PLXNA4: variants seen among roughly 807,000 people sequenced by gnomAD.
The protein encoded by PLXNA4 is plexin-A4.
PLXNA4 carries 44 observed loss-of-function variants against 191.8 expected under a neutral mutation model. The observed-to-expected ratio is 0.23, with a 90% confidence interval of 0.18 to 0.29. The LOEUF is 0.29. Ranked by LOEUF, PLXNA4 falls within the 10% of genes least tolerant of loss-of-function variation. The pLI, the probability that PLXNA4 is intolerant of heterozygous loss-of-function variation, is 1.00. For missense variants in PLXNA4, 1,800 were observed against 2,488.8 expected (o/e 0.72, Z 5.89); for synonymous variants, 1,082 against 1,009.5 (o/e 1.07, Z -1.36).
At chr7:132,516,678 C>T (rs149985765) in intron 1 of PLXNA4, among the ~76,000 whole-genome samples, 8 of 152,306 alleles carry the variant, frequency 5.3e-5, no homozygotes, top group African/African-American at 1.9e-4. Flanking sequence ...AGTGTCCCTG[C>T]CAGGAGTGGT....
intron 4 of PLXNA4, among the ~76,000 whole-genome samples, chr7:132,250,709 A>T (rs79467740): frequency 6.6e-6 from 1 of 152,204 alleles, no homozygotes; most frequent in Non-Finnish European, 1.5e-5. Flanking sequence ...ATGGGGGATG[A>T]GAGGAGTGTT....
chr7:132,408,360 G>T (rs984412236), intron 3 of PLXNA4, among the ~76,000 whole-genome samples: 3 of 152,090 alleles, frequency 2.0e-5, no homozygotes, highest in African/African-American at 7.2e-5. Flanking sequence ...CATTCTGGGG[G>T]TGCAGTTTTT....
intron 2 of PLXNA4, among the ~76,000 whole-genome samples, chr7:132,635,505 A>G (rs1464507265): frequency 2.0e-5 from 3 of 152,166 alleles, no homozygotes; most frequent in Admixed American, 6.5e-5. Flanking sequence ...AATAACCAAG[A>G]GATAGAACAC....
intron 1 of PLXNA4, among the ~76,000 whole-genome samples, chr7:132,530,772 T>G (rs144078549): frequency 3.5e-4 from 54 of 152,364 alleles, no homozygotes; most frequent in African/African-American, 1.2e-3. Context: ...CAGACAGATA[T>G]TTGTACAACA....
At position 132,571,737 on chromosome 7, in the gene PLXNA4, C is replaced by T. The variant is rs114149172; in HGVS notation, c.-87+4685G>A. On this transcript the variant is annotated intron_variant, in intron 1 of 31. Coordinates refer to ENST00000321063, the MANE Select transcript of PLXNA4 (RefSeq NM_020911.2). ...ATGAAATGAGGAAGTGTTGTTTCCA[C>T]AATACTAGCAATTTGAAGCAGTCAC... 4.4e-3 allele frequency among the ~76,000 whole-genome samples: 673 copies of T among 152,284 alleles called. 2 individuals are homozygous for T. The highest frequency in any genetic ancestry group is 0.015 in the African/African-American group (631 of 41,540).
chr7:132,504,303 GTTC>G (rs1363664222), intron 2 of PLXNA4, among the ~76,000 whole-genome samples: 3 of 152,226 alleles, frequency 2.0e-5, no homozygotes, highest in Non-Finnish European at 2.9e-5. Flanking sequence ...TGTAGTAGGG[GTTC>G]TTCTTCCCAT....
In PLXNA4 at chr7:132,211,151, C is replaced by G; in HGVS notation, c.2098-8G>C. 3 of 1,553,536 alleles carry G rather than the reference C, an allele frequency of 1.9e-6. No individual in the cohort carries two copies. The highest frequency in any genetic ancestry group is 1.7e-4 in the Middle Eastern group (1 of 5,992). On this transcript the variant is annotated splice_polypyrimidine_tract_variant and splice_region_variant and intron_variant, in intron 9 of 31. Transcript: ENST00000321063. ...CAGCAGCTGGGGGCAGTCCTGGGGA[C>G]AGAGGGCATGGCTCAGGCTGGGCAG...
chr7:132,161,142 T>C (rs999734184), intron 24 of PLXNA4, among the ~76,000 whole-genome samples: 3 of 152,198 alleles, frequency 2.0e-5, no homozygotes, highest in Non-Finnish European at 2.9e-5. Context: ...TGTCCTGTCC[T>C]CTGGGCCCTG....
At chr7:132,518,142 T>C (rs757483396) in intron 1 of PLXNA4, among the ~76,000 whole-genome samples, 2 of 152,184 alleles carry the variant, frequency 1.3e-5, no homozygotes, top group Non-Finnish European at 2.9e-5. Flanking sequence ...ACTGACCCCA[T>C]GTACTTGGCC....
rs116018329 is a variant in PLXNA4 at position 132,527,246 on chromosome 7, G to A, written c.-86-18467C>T. Among the ~76,000 whole-genome samples, 1,315 of 152,182 alleles carry A rather than the reference G, an allele frequency of 8.6e-3. 24 individuals carry two copies. The highest frequency in any genetic ancestry group is 0.03 in the African/African-American group (1,227 of 41,510). ...CTGCAGGACCTCAGCACCTCCTCAA[G>A]TAGACGTTCTTCCTCCATTGCCAAG... On this transcript the variant is annotated intron_variant, in intron 1 of 31. Coordinates refer to ENST00000321063, the MANE Select transcript of PLXNA4 (RefSeq NM_020911.2).
chr7:132,606,757 C>A (rs1313432130), intron 2 of PLXNA4, among the ~76,000 whole-genome samples: 1 of 152,164 alleles, frequency 6.6e-6, no homozygotes, highest in Non-Finnish European at 1.5e-5. Context: ...GACTTTAAGC[C>A]TGAGAAAAAT....
chr7:132,473,363 G>A (rs1019814393), intron 3 of PLXNA4, among the ~76,000 whole-genome samples: 46 of 152,082 alleles, frequency 3.0e-4, no homozygotes, highest in African/African-American at 9.9e-4. Flanking sequence ...AGGCCTCAGC[G>A]GCTCCCCCAG....
chr7:132,286,325 T>A (rs1403723024), intron 4 of PLXNA4, among the ~76,000 whole-genome samples: 1 of 152,154 alleles, frequency 6.6e-6, no homozygotes. Flanking sequence ...GCCCTGTCTG[T>A]CCACCCTGTG....
At chr7:132,557,041 A>T (rs1800831757) in intron 1 of PLXNA4, among the ~76,000 whole-genome samples, 1 of 152,218 alleles carries the variant, frequency 6.6e-6, no homozygotes, top group South Asian at 2.1e-4. Context: ...TTTGTGTAAG[A>T]CACACATATA....
chr7:132,542,383 C>A (rs1201613734), intron 1 of PLXNA4, among the ~76,000 whole-genome samples: 6 of 152,116 alleles, frequency 3.9e-5, no homozygotes, highest in Admixed American at 3.9e-4. Context: ...TAGTATAGGC[C>A]AAGGTACAGA....
chr7:132,410,103 C>T (rs551891370), intron 3 of PLXNA4, among the ~76,000 whole-genome samples: 30 of 152,340 alleles, frequency 2.0e-4, no homozygotes, highest in Middle Eastern at 3.4e-3. Context: ...TGGATCCTCA[C>T]ACTCTCCCTC....
intron 29 of PLXNA4, among the ~76,000 whole-genome samples, chr7:132,144,230 G>C (rs1168949153): frequency 1.3e-5 from 2 of 152,174 alleles, no homozygotes; most frequent in Admixed American, 6.5e-5. Flanking sequence ...CTTTGCCTCA[G>C]GTAGAGCTCT....
chr7:132,496,177 A>G lies in PLXNA4; in HGVS notation c.1189-6703T>C, dbSNP rs184039861. ...GAGGCGAGGTCTGGGCTCACGTCCAAGTTCTCTGGCTTATGAAACAGTATT... is the reference window on the plus strand; with the variant it reads ...GAGGCGAGGTCTGGGCTCACGTCCAGGTTCTCTGGCTTATGAAACAGTATT... On this transcript the variant is annotated intron_variant, in intron 2 of 31. Coordinates refer to ENST00000321063, the MANE Select transcript of PLXNA4 (RefSeq NM_020911.2). 2.6e-5 allele frequency among the ~76,000 whole-genome samples: 4 copies of G among 152,202 alleles called. No homozygotes were observed. The East Asian group carries it at 5.8e-4, about 22-fold the overall frequency.
At chr7:132,193,976 C>T in intron 14 of PLXNA4, 86 bp downstream of exon 14, 19 of 1,512,336 alleles carry the variant, frequency 1.3e-5, no homozygotes, top group Non-Finnish European at 1.7e-5. Context: ...CCTGGGTTTG[C>T]TCACAGAGCT....
Sources: allele counts gnomAD v4.1 joint callset (sites outside exome capture counted in the v4.1 genomes callset), GRCh38; gene constraint gnomAD v4.1.1; transcripts MANE v1.5; gene names NCBI Gene and HGNC (gene_info 2026-07-23, HGNC 2026-07-21).